RAI1: variants seen among roughly 807,000 people sequenced by gnomAD.
The protein encoded by RAI1 is retinoic acid induced 1.
Under a neutral mutation model 123.8 loss-of-function variants are expected in RAI1, and 9 were observed. That is an observed-to-expected ratio of 0.07 (90% CI 0.04 to 0.13). The LOEUF is 0.13. Ranked by LOEUF, RAI1 falls within the 10% of genes least tolerant of loss-of-function variation. The pLI, the probability that RAI1 is intolerant of heterozygous loss-of-function variation, is 1.00. For synonymous variants in RAI1, 1,231 were observed against 1,127.3 expected, an observed-to-expected ratio of 1.09 and a Z score of -1.84; for missense variants, 2,256 against 2,545.8, an observed-to-expected ratio of 0.89 and a Z score of 2.45.
intron 2 of RAI1, among the ~76,000 whole-genome samples, chr17:17,765,592 A>G (rs977987622): frequency 6.6e-6 from 1 of 152,264 alleles, no homozygotes; most frequent in African/African-American, 2.4e-5. Context: ...ATAGTTGTAT[A>G]ATATTTGAAT....
At chr17:17,755,967 T>C (rs1467793356) in intron 2 of RAI1, among the ~76,000 whole-genome samples, 1 of 152,204 alleles carries the variant, frequency 6.6e-6, no homozygotes, top group African/African-American at 2.4e-5. Context: ...CAGGGACCAG[T>C]GTCCCCAGTG....
chr17:17,721,844 C>G (rs1419738129), intron 1 of RAI1, among the ~76,000 whole-genome samples: 1 of 152,166 alleles, frequency 6.6e-6, no homozygotes, highest in Non-Finnish European at 1.5e-5. Flanking sequence ...TGCCCAGGAC[C>G]TTAGGGATTC....
chr17:17,794,461 C>T lies in RAI1; in HGVS notation c.1513C>T (p.Pro505Ser), dbSNP rs1249282912. Residue 505 changes from proline to serine, a missense_variant, in exon 3 of 6, where the codon CCA becomes TCA. Pro to Ser is a moderately conservative substitution (Grantham distance 74). This residue lies in a region of RAI1 where 357 missense variants were observed against 480.2 expected (regional missense o/e 0.74). Coordinates refer to ENST00000353383, the MANE Select transcript of RAI1 (RefSeq NM_030665.4). ...GCTGTCAGAGCCGCCGAGCAGCACG[C>T]CACAGTCCACGCATGCGGAGCCGCA... ...TPLSEPPSSTPQSTHAEPQEA... is the reference protein window; with the variant it reads ...TPLSEPPSSTSQSTHAEPQEA... The T allele has an allele frequency of 6.2e-7, 1 of 1,612,516 alleles. No individual in the cohort carries two copies. Among genetic ancestry groups the T allele is most frequent in the South Asian group, 1.1e-5 (1 of 91,046 alleles).
intron 2 of RAI1, among the ~76,000 whole-genome samples, chr17:17,738,527 G>A (rs1002652631): frequency 3.3e-5 from 5 of 152,212 alleles, no homozygotes; most frequent in Admixed American, 2.0e-4. Flanking sequence ...GCCTGTCTGC[G>A]GGTGAAGGCG....
At chr17:17,695,948 C>A (rs1367068232) in intron 1 of RAI1, among the ~76,000 whole-genome samples, 1 of 152,196 alleles carries the variant, frequency 6.6e-6, no homozygotes, top group East Asian at 1.9e-4. Context: ...GGTTGAGAGG[C>A]TGTCCTCGCG....
In RAI1 at chr17:17,794,921, G is replaced by T. The variant is rs2032173536; in HGVS notation, c.1973G>T (p.Trp658Leu). The T allele has an allele frequency of 1.9e-6, 3 of 1,613,634 alleles. No homozygotes were observed. The highest frequency in any genetic ancestry group is 2.5e-6 in the Non-Finnish European group (3 of 1,180,028). ...ACLDSVAKSA[W>L]PRPGEPEALP... ...CTGGACTCTGTGGCCAAGAGTGCGT[G>T]GCCCCGGCCTGGGGAGCCGGAGGCC... The change falls in exon 3 of 6, where the codon TGG becomes TTG. Residue 658 changes from tryptophan to leucine, a missense_variant. Transcript: ENST00000353383.
At chr17:17,721,595 T>G (rs769922940) in intron 1 of RAI1, among the ~76,000 whole-genome samples, 3 of 152,138 alleles carry the variant, frequency 2.0e-5, no homozygotes, top group Non-Finnish European at 4.4e-5. Flanking sequence ...CCTGGGGGAC[T>G]TTCTCCTCCT....
chr17:17,682,216 G>C (rs1394944055), intron 1 of RAI1, among the ~76,000 whole-genome samples: 1 of 152,092 alleles, frequency 6.6e-6, no homozygotes, highest in African/African-American at 2.4e-5. Context: ...GTGCGTCCGA[G>C]GTGGGGGACG....
chr17:17,810,968 T>C lies in RAI1; in HGVS notation c.*987T>C. ...GGAACATGCTCGCTTCTCCCGTGTG[T>C]CGCCGCCGTGCGTCGTGCGCCCGCA... On this transcript the variant is annotated 3_prime_UTR_variant, in exon 6 of 6. Coordinates refer to ENST00000353383, the MANE Select transcript of RAI1 (RefSeq NM_030665.4). This position sits in a 1 kb window ranked among gnomAD's most constrained non-coding sequence, Gnocchi z 4.6. 3.1e-6 allele frequency: 1 copy of C among 324,830 alleles called. No homozygotes were observed. The allele number at this position is 324,830 out of a possible 1,614,324, so 20.1% of individuals were successfully genotyped here. A position where few individuals can be genotyped will look rare whatever the true frequency, so the allele number is the denominator to read the frequency against.
intron 1 of RAI1, among the ~76,000 whole-genome samples, chr17:17,706,087 A>G (rs1046203283): frequency 6.6e-6 from 1 of 151,458 alleles, no homozygotes; most frequent in African/African-American, 2.4e-5. Flanking sequence ...CCTGTTTCAT[A>G]GGCCCTGAGG....
At chr17:17,704,982 C>A (rs1006393413) in intron 1 of RAI1, among the ~76,000 whole-genome samples, 4 of 152,162 alleles carry the variant, frequency 2.6e-5, no homozygotes, top group African/African-American at 9.7e-5. Flanking sequence ...AACTCACTTT[C>A]CTCTGGTAGA....
At chr17:17,783,522 GAA>G (rs2031697018) in intron 2 of RAI1, among the ~76,000 whole-genome samples, 5 of 152,152 alleles carry the variant, frequency 3.3e-5, no homozygotes. Flanking sequence ...TTACACGGCT[GAA>G]ACATCTGTTG....
Position 17,763,451 on chromosome 17 carries a change from C to T in RAI1, c.-16-29482C>T, listed in dbSNP as rs934503621. ...ATACACGCCCGCCCTCAAGGAGCTG[C>T]TGGCAGCAGCAAGAGGGGTGAGCTG... On this transcript the variant is annotated intron_variant, in intron 2 of 5. Coordinates refer to ENST00000353383, the MANE Select transcript of RAI1 (RefSeq NM_030665.4). Among the ~76,000 whole-genome samples, 13 of 152,236 alleles carry T rather than the reference C, an allele frequency of 8.5e-5. 1 individual carries two copies. The highest frequency in any genetic ancestry group is 1.9e-4 in the East Asian group (1 of 5,192).
intron 2 of RAI1, among the ~76,000 whole-genome samples, chr17:17,732,706 C>A (rs879727334): frequency 5.7e-4 from 87 of 152,358 alleles, no homozygotes; most frequent in Admixed American, 5.3e-3. Flanking sequence ...CCAGAGGCTA[C>A]TGCTGCCTGG....
intron 2 of RAI1, 51 bp from the exon 3 acceptor site, chr17:17,792,882 T>TCC: frequency 2.3e-6 from 1 of 432,932 alleles, no homozygotes; most frequent in Non-Finnish European, 4.5e-6. Flanking sequence ...TCCCTGCCCA[T>TCC]CCTCCCCTCC....
chr17:17,763,058 A>AG lies in RAI1; in HGVS notation c.-16-29875_-16-29874insG, dbSNP rs56957765. On this transcript the variant is annotated intron_variant, in intron 2 of 5. Transcript: ENST00000353383. ...CAAATGGAGGCTTTTCTGGAAAAAA[A>AG]AAAAAAAAGTTCTTTCTCTGAGATT... 4.2e-3 allele frequency among the ~76,000 whole-genome samples: 642 copies of AG among 151,880 alleles called. 6 individuals are homozygous for AG. The highest frequency in any genetic ancestry group is 0.015 in the African/African-American group (604 of 41,448).
intron 2 of RAI1, among the ~76,000 whole-genome samples, chr17:17,732,259 C>G (rs1447792895): frequency 2.0e-5 from 3 of 152,152 alleles, no homozygotes; most frequent in Non-Finnish European, 4.4e-5. Flanking sequence ...GCGTTGGCCT[C>G]CTTACTGAGA....
intron 2 of RAI1, among the ~76,000 whole-genome samples, chr17:17,775,266 C>T (rs1429871790): frequency 6.7e-6 from 1 of 148,296 alleles, no homozygotes; most frequent in Non-Finnish European, 1.5e-5. Flanking sequence ...TGCGGTGGCA[C>T]AATCTCTGCT....
intron 2 of RAI1, among the ~76,000 whole-genome samples, chr17:17,734,749 G>A (rs1916373296): frequency 6.6e-6 from 1 of 152,268 alleles, no homozygotes; most frequent in Non-Finnish European, 1.5e-5. Context: ...GTGTCTGCGT[G>A]TGAGCTCCTT....
Sources: allele counts gnomAD v4.1 joint callset (sites outside exome capture counted in the v4.1 genomes callset), GRCh38; gene constraint gnomAD v4.1.1; regional missense constraint gnomAD v4.1.1; non-coding constraint Gnocchi (gnomAD v3.1); transcripts MANE v1.5; gene names NCBI Gene and HGNC (gene_info 2026-07-23, HGNC 2026-07-21).